CTNNA3: variants seen among roughly 807,000 people sequenced by gnomAD.
The protein encoded by CTNNA3 is catenin alpha-3.
Under a neutral mutation model 95.7 loss-of-function variants are expected in CTNNA3, and 76 were observed. That is an observed-to-expected ratio of 0.79 (90% confidence interval 0.66 to 0.96). The LOEUF (loss-of-function observed/expected upper bound fraction) is 0.96. Ranked by LOEUF, CTNNA3 falls within the 40% of genes least tolerant of loss-of-function variation. CTNNA3 has a pLI of 0.00. For synonymous variants in CTNNA3, 431 were observed against 374.4 expected (o/e 1.15, Z -1.74); for missense variants, 1,191 against 1,089.8 (o/e 1.09, Z -1.31).
intron 7 of CTNNA3, among the ~76,000 whole-genome samples, chr10:66,843,277 A>G (rs1564717943): frequency 6.6e-6 from 1 of 152,156 alleles, no homozygotes; most frequent in Non-Finnish European, 1.5e-5. Flanking sequence ...TTAGGATTCA[A>G]TCCCAGACCC....
intron 5 of CTNNA3, among the ~76,000 whole-genome samples, chr10:67,313,074 T>A (rs938715679): frequency 3.3e-5 from 5 of 152,120 alleles, no homozygotes; most frequent in Non-Finnish European, 4.4e-5. Flanking sequence ...TAAATGCACA[T>A]CTATTATAAG....
At chr10:67,588,788 T>G (rs1842712428) in intron 3 of CTNNA3, among the ~76,000 whole-genome samples, 1 of 151,950 alleles carries the variant, frequency 6.6e-6, no homozygotes. Context: ...AAAAATGTGT[T>G]AGATTTTTAG....
At chr10:66,863,222 T>C (rs190545653) in intron 7 of CTNNA3, among the ~76,000 whole-genome samples, 42 of 149,442 alleles carry the variant, frequency 2.8e-4, no homozygotes, top group African/African-American at 9.8e-4. Context: ...CACACACATA[T>C]ATATATATAA....
intron 6 of CTNNA3, among the ~76,000 whole-genome samples, chr10:67,216,848 T>C (rs74411457): frequency 0.012 from 1,850 of 152,342 alleles, 44 homozygotes; most frequent in African/African-American, 0.043. Flanking sequence ...GTGAAGTTTC[T>C]TGCTTCATAA....
At chr10:67,454,723 T>A (rs1001395034) in intron 5 of CTNNA3, among the ~76,000 whole-genome samples, 7 of 152,100 alleles carry the variant, frequency 4.6e-5, no homozygotes, top group Non-Finnish European at 1.0e-4. Context: ...ACCAATGGAA[T>A]CAATGTATAA....
At chr10:66,571,742 T>C (rs35913678) in intron 10 of CTNNA3, among the ~76,000 whole-genome samples, 465 of 152,264 alleles carry the variant, frequency 3.1e-3, no homozygotes, top group Admixed American at 6.4e-3. Context: ...TTTAACCCCA[T>C]AGCGACCTTG....
chr10:66,912,720 G>A lies in CTNNA3; in HGVS notation c.1048-137196C>T, dbSNP rs371557169. Among the ~76,000 whole-genome samples, 4 of 152,202 alleles carry A rather than the reference G, an allele frequency of 2.6e-5. No homozygotes were observed. The East Asian group carries it at 7.7e-4, about 29-fold the overall frequency. ...ATTTTTGGAGGCTGCTGGGCTTGCT[G>A]ATATTAGCAGGTTGGTCTAGGCTAA... On this transcript the variant is annotated intron_variant, in intron 7 of 17. Coordinates refer to ENST00000433211, the MANE Select transcript of CTNNA3 (RefSeq NM_013266.4).
chr10:66,106,155 C>T (rs1412881670), intron 13 of CTNNA3, among the ~76,000 whole-genome samples: 2 of 149,962 alleles, frequency 1.3e-5, no homozygotes, highest in Non-Finnish European at 3.0e-5. Flanking sequence ...TGCAGCGAGC[C>T]GAGATCGCGC....
intron 11 of CTNNA3, among the ~76,000 whole-genome samples, chr10:66,396,209 A>T (rs180757451): frequency 1.1e-4 from 17 of 152,140 alleles, no homozygotes; most frequent in Admixed American, 8.5e-4. Context: ...GTATTTATAT[A>T]CTATTAGCTT....
chr10:67,753,696 C>T (rs190500738), intron 1 of CTNNA3, among the ~76,000 whole-genome samples: 13 of 152,154 alleles, frequency 8.5e-5, no homozygotes, highest in African/African-American at 2.9e-4. Context: ...ATTTACGTGG[C>T]CAAGAAACTT....
At chr10:67,017,563 G>A (rs372639570) in intron 7 of CTNNA3, among the ~76,000 whole-genome samples, 3 of 152,220 alleles carry the variant, frequency 2.0e-5, no homozygotes, top group South Asian at 2.1e-4. Context: ...AATATACTGT[G>A]ATTCACCCTC....
At chr10:67,141,479 T>C (rs1461159489) in intron 7 of CTNNA3, among the ~76,000 whole-genome samples, 2 of 152,184 alleles carry the variant, frequency 1.3e-5, no homozygotes, top group Non-Finnish European at 2.9e-5. Flanking sequence ...AGTGTGGTCA[T>C]GTACGGTAAT....
rs2077018948 is a variant in CTNNA3 at position 65,917,284 on chromosome 10, TTGAG to T, written c.*3042_*3045del. On this transcript the variant is annotated 3_prime_UTR_variant, in exon 18 of 18. Transcript: ENST00000433211. ...ACAAATTAGCTTAGAAATTTAGTGT[TTGAG>T]TTTTTTCTTGACTCATTCAAGAACT... 6.6e-6 allele frequency: 1 copy of T among 152,134 alleles called. No homozygotes were observed. Among genetic ancestry groups the T allele is most frequent in the African/African-American group, 2.4e-5 (1 of 41,442 alleles). 9.4% of individuals were successfully genotyped at this position (152,134 alleles called of 1,614,324 possible). A position where few individuals can be genotyped will look rare whatever the true frequency, so the allele number is the denominator to read the frequency against.
chr10:66,737,745 T>A, intron 9 of CTNNA3, among the ~76,000 whole-genome samples: 1 of 151,984 alleles, frequency 6.6e-6, no homozygotes, highest in East Asian at 1.9e-4. Flanking sequence ...CCGCAACCTC[T>A]GACTGCCTGG....
At chr10:67,751,719 A>T (rs1038812590) in intron 1 of CTNNA3, among the ~76,000 whole-genome samples, 14 of 152,086 alleles carry the variant, frequency 9.2e-5, no homozygotes, top group Non-Finnish European at 1.5e-5. Flanking sequence ...AATCTAGAAG[A>T]AATTGATAAA....
At chr10:66,829,971 T>C (rs1057313415) in intron 7 of CTNNA3, among the ~76,000 whole-genome samples, 2 of 151,944 alleles carry the variant, frequency 1.3e-5, no homozygotes, top group Non-Finnish European at 2.9e-5. Flanking sequence ...GTTCACGCCA[T>C]TCTCCTGCCT....
chr10:67,218,737 T>TA, intron 6 of CTNNA3, among the ~76,000 whole-genome samples: 1 of 152,314 alleles, frequency 6.6e-6, no homozygotes, highest in Non-Finnish European at 1.5e-5. Flanking sequence ...TAGTCTAAAC[T>TA]AAAACATGAG....
intron 7 of CTNNA3, among the ~76,000 whole-genome samples, chr10:66,873,349 C>T (rs1003012178): frequency 1.3e-5 from 2 of 150,910 alleles, no homozygotes; most frequent in African/African-American, 4.9e-5. Context: ...GCCTCAACAG[C>T]ATCTGGTTTT....
intron 17 of CTNNA3, among the ~76,000 whole-genome samples, chr10:65,962,812 T>C (rs371073538): frequency 6.7e-6 from 1 of 148,604 alleles, no homozygotes; most frequent in South Asian, 2.2e-4. Flanking sequence ...TGGTGTTCGG[T>C]TTTCTGTTCT....
Sources: gnomAD v4.1 joint callset for allele counts (sites outside exome capture counted in the v4.1 genomes callset) on GRCh38, gnomAD v4.1.1 for gene constraint, MANE v1.5 for transcripts, NCBI Gene and HGNC (gene_info 2026-07-23, HGNC 2026-07-21) for gene names.